The following EYS variants were observed in gnomAD, a reference collection of about 807,000 sequenced individuals.
EYS encodes the protein EGF-like photoreceptor maintenance factor.
EYS carries 250 observed loss-of-function variants against 282.1 expected under a neutral mutation model. The ratio of observed to expected loss-of-function variants is 0.89; its 90% CI spans 0.80 to 0.98. The LOEUF is 0.98. Among genes scored for constraint, EYS ranks in the 50% least tolerant of loss-of-function variants. The probability of loss-of-function intolerance (pLI) is 0.00; values close to 1 mark genes in which losing one functional copy is unlikely to be tolerated. For synonymous variants in EYS, 1,355 were observed against 1,282.9 expected (o/e 1.06, Z -1.20); for missense variants, 4,016 against 3,709.0 (o/e 1.08, Z -2.15).
intron 30 of EYS, among the ~76,000 whole-genome samples, chr6:64,260,465 T>C (rs1321020123): frequency 6.6e-6 from 1 of 152,064 alleles, no homozygotes; most frequent in Non-Finnish European, 1.5e-5. Flanking sequence ...ATAATGGCAA[T>C]GGGATTTTAG....
intron 12 of EYS, among the ~76,000 whole-genome samples, chr6:65,238,917 A>AT (rs1349791358): frequency 3.3e-5 from 5 of 152,078 alleles, no homozygotes; most frequent in African/African-American, 1.2e-4. Flanking sequence ...TTAATATAAA[A>AT]TTACAATCAT....
chr6:65,201,216 A>T (rs1284668908), intron 12 of EYS, among the ~76,000 whole-genome samples: 3 of 151,576 alleles, frequency 2.0e-5, no homozygotes, highest in Non-Finnish European at 4.4e-5. Context: ...GAGGGGAAAC[A>T]CTGCTGGCTG....
Position 65,344,181 on chromosome 6 carries a change from T to TA in EYS, c.1460-5dup, listed in dbSNP as rs771064426. 5.0e-4 allele frequency: 788 copies of TA among 1,564,190 alleles called. No individual in the cohort carries two copies. The highest frequency in any genetic ancestry group is 7.2e-4 in the Middle Eastern group (4 of 5,546). On this transcript the variant is annotated splice_polypyrimidine_tract_variant and splice_region_variant and intron_variant, in intron 9 of 42. Coordinates refer to ENST00000503581, the MANE Select transcript of EYS (RefSeq NM_001142800.2). ...TGGCACTTTTCGCCTTCAGATCCTT[T>TA]AAAAAAAAAGAGATAAAAAATTAAA...
intron 31 of EYS, among the ~76,000 whole-genome samples, chr6:64,215,004 A>G (rs1765888431): frequency 6.6e-6 from 1 of 152,030 alleles, no homozygotes; most frequent in South Asian, 2.1e-4. Flanking sequence ...CACTCTAGTT[A>G]AAATGATTGC....
At chr6:63,751,374 G>T (rs796420219) in intron 41 of EYS, among the ~76,000 whole-genome samples, 68 of 152,204 alleles carry the variant, frequency 4.5e-4, no homozygotes, top group African/African-American at 1.5e-3. Flanking sequence ...TTTCTGTTCA[G>T]TTAGCAGAGA....
intron 41 of EYS, among the ~76,000 whole-genome samples, chr6:63,758,241 A>G (rs1033434966): frequency 1.3e-5 from 2 of 152,102 alleles, no homozygotes; most frequent in Non-Finnish European, 2.9e-5. Flanking sequence ...TTATTTGGTC[A>G]TTTTGGAAAC....
intron 26 of EYS, among the ~76,000 whole-genome samples, chr6:64,523,969 T>A (rs892541896): frequency 2.0e-5 from 3 of 151,856 alleles, no homozygotes; most frequent in Middle Eastern, 3.4e-3. Context: ...CCTTTTAGTA[T>A]TTATAACTTC....
At chr6:65,642,586 T>C (rs1019544418) in intron 1 of EYS, among the ~76,000 whole-genome samples, 11 of 152,286 alleles carry the variant, frequency 7.2e-5, no homozygotes, top group African/African-American at 2.6e-4. Context: ...TAGCAACTTA[T>C]TGTGGGACAC....
intron 31 of EYS, among the ~76,000 whole-genome samples, chr6:64,111,123 T>C (rs1364639584): frequency 6.6e-6 from 1 of 151,930 alleles, no homozygotes; most frequent in Non-Finnish European, 1.5e-5. Context: ...CATTTCATAG[T>C]TTCTGTTACA....
chr6:64,092,528 C>T (rs1027568384), intron 31 of EYS, among the ~76,000 whole-genome samples: 1 of 152,028 alleles, frequency 6.6e-6, no homozygotes, highest in Non-Finnish European at 1.5e-5. Flanking sequence ...TTTCATGTGT[C>T]TTTTGGCTGC....
intron 4 of EYS, chr6:65,491,528 A>G (rs995672021): frequency 2.5e-5 from 10 of 406,654 alleles, no homozygotes; most frequent in Admixed American, 2.4e-4. Context: ...CAAATTCCTT[A>G]TATACTGACA....
intron 11 of EYS, chr6:65,331,087 G>T (rs1769781292): frequency 1.0e-6 from 1 of 983,906 alleles, no homozygotes; most frequent in African/African-American, 1.8e-5. Context: ...TGGTTCATCA[G>T]ATCCCACCCC....
At chr6:64,195,565 C>T (rs1185491832) in intron 31 of EYS, among the ~76,000 whole-genome samples, 2 of 152,112 alleles carry the variant, frequency 1.3e-5, no homozygotes, top group Non-Finnish European at 2.9e-5. Context: ...TCCCAAAGTG[C>T]TGGTGTTAAA....
chr6:64,228,814 TTTTTTCTGGAAGAAAA>T (rs1477057166), intron 31 of EYS, among the ~76,000 whole-genome samples: 1 of 152,092 alleles, frequency 6.6e-6, no homozygotes, highest in African/African-American at 2.4e-5. Context: ...CCTCCATTGT[TTTTTTCTGGAAGAAAA>T]TACAGTTACT....
chr6:63,989,768 A>T (rs1044655332), intron 34 of EYS, among the ~76,000 whole-genome samples: 1 of 151,556 alleles, frequency 6.6e-6, no homozygotes, highest in African/African-American at 2.4e-5. Flanking sequence ...GATTCAGCAC[A>T]TGGGATGTCC....
chr6:65,221,465 A>T (rs959372388), intron 12 of EYS, among the ~76,000 whole-genome samples: 2 of 152,238 alleles, frequency 1.3e-5, no homozygotes. Context: ...GCAAGCTGCA[A>T]GCCTTAGAGG....
intron 5 of EYS, among the ~76,000 whole-genome samples, chr6:65,421,648 G>A (rs1767457722): frequency 6.6e-6 from 1 of 151,888 alleles, no homozygotes; most frequent in Non-Finnish European, 1.5e-5. Flanking sequence ...TCCTCATTAA[G>A]CTTCTTTCTA....
rs747391328 is a variant in EYS at position 64,436,273 on chromosome 6, G to A, written c.5836-8C>T. 6.0e-6 allele frequency: 9 copies of A among 1,511,680 alleles called. No homozygotes were observed. In the African/African-American group the frequency reaches 1.3e-4, roughly 21 times the overall value. 93.6% of individuals were successfully genotyped at this position (1,511,680 alleles called of 1,614,324 possible). A position where few individuals can be genotyped will look rare whatever the true frequency, so the allele number is the denominator to read the frequency against. On this transcript the variant is annotated splice_region_variant and splice_polypyrimidine_tract_variant and intron_variant, in intron 27 of 42. Coordinates refer to ENST00000503581, the MANE Select transcript of EYS (RefSeq NM_001142800.2). ...AGGACAGTAAAAGTGGTACTGTTGG[G>A]GGAAAAAATTTTGTCCTCAAACAGT...
chr6:65,296,161 T>C, intron 11 of EYS, 42 bp from the exon 12 acceptor site: 1 of 1,480,916 alleles, frequency 6.8e-7, no homozygotes, highest in Non-Finnish European at 9.0e-7. Flanking sequence ...GTCATATACT[T>C]TATTTTGATA....
Sources: allele counts gnomAD v4.1 joint callset (sites outside exome capture counted in the v4.1 genomes callset), GRCh38; gene constraint gnomAD v4.1.1; transcripts MANE v1.5; gene names NCBI Gene and HGNC (gene_info 2026-07-23, HGNC 2026-07-21).